Variants in ANXA10 observed in about 807,000 individuals in gnomAD.
ANXA10 encodes the protein annexin 14.
ANXA10 carries 49 observed loss-of-function variants against 53.5 expected under a neutral mutation model. The ratio of observed to expected loss-of-function variants is 0.92; its 90% CI spans 0.73 to 1.16. The LOEUF (loss-of-function observed/expected upper bound fraction) is 1.16. Among genes scored for constraint, ANXA10 ranks in the 50% most tolerant of loss-of-function variants. ANXA10 has a pLI of 0.00. For missense variants in ANXA10, 393 were observed against 394.4 expected (o/e 1.00, Z 0.03); for synonymous variants, 131 against 128.9 (o/e 1.02, Z -0.11).
intron 9 of ANXA10, 74 bp from the exon 10 acceptor site, chr4:168,181,609 T>C: frequency 2.5e-6 from 3 of 1,184,680 alleles, no homozygotes; most frequent in Non-Finnish European, 2.5e-6. Context: ...AAAAGTGTTA[T>C]TGTTTCTCAA....
At chr4:168,158,960 C>T (rs931222287) in intron 3 of ANXA10, among the ~76,000 whole-genome samples, 2 of 152,136 alleles carry the variant, frequency 1.3e-5, no homozygotes, top group Non-Finnish European at 2.9e-5. Flanking sequence ...CTCCCTCCAG[C>T]TCTTGCTCCC....
intron 5 of ANXA10, among the ~76,000 whole-genome samples, chr4:168,164,796 T>C (rs1403740862): frequency 6.6e-6 from 1 of 152,188 alleles, no homozygotes; most frequent in Admixed American, 6.6e-5. Context: ...TTGCGTTATG[T>C]AGTATATGAC....
At chr4:168,178,139 T>A (rs2149480858) in intron 8 of ANXA10, 156 bp downstream of exon 8, 1 of 632,570 alleles carries the variant, frequency 1.6e-6, no homozygotes, top group Non-Finnish European at 2.7e-6. Context: ...AAGATGTGCC[T>A]TATTTAATGA....
chr4:168,129,676 T>C (rs1731128104), intron 2 of ANXA10, among the ~76,000 whole-genome samples: 1 of 152,208 alleles, frequency 6.6e-6, no homozygotes, highest in Non-Finnish European at 1.5e-5. Flanking sequence ...TTTTCTTAGC[T>C]ACTGTGTTTT....
chr4:168,139,246 T>C (rs1343566864), intron 2 of ANXA10, among the ~76,000 whole-genome samples: 1 of 152,148 alleles, frequency 6.6e-6, no homozygotes, highest in Non-Finnish European at 1.5e-5. Context: ...TGGCTTTTAT[T>C]ATTTTGAGGA....
chr4:168,122,942 T>G (rs1386692490), intron 1 of ANXA10, among the ~76,000 whole-genome samples: 3 of 152,196 alleles, frequency 2.0e-5, no homozygotes, highest in African/African-American at 7.2e-5. Flanking sequence ...TGAAGGAATT[T>G]GTGTAATCAA....
intron 6 of ANXA10, among the ~76,000 whole-genome samples, chr4:168,166,326 A>C (rs964267879): frequency 5.9e-5 from 9 of 152,118 alleles, no homozygotes; most frequent in Non-Finnish European, 1.3e-4. Flanking sequence ...TTAAAAATAG[A>C]TTTTATCATT....
At chr4:168,129,189 T>G (rs1037945580) in intron 2 of ANXA10, among the ~76,000 whole-genome samples, 1 of 152,144 alleles carries the variant, frequency 6.6e-6, no homozygotes, top group African/African-American at 2.4e-5. Context: ...AATGCACATC[T>G]GTGTGTTTTA....
chr4:168,177,688 A>G, intron 6 of ANXA10, 52 bp from the exon 7 acceptor site: 1 of 1,565,294 alleles, frequency 6.4e-7, no homozygotes, highest in Non-Finnish European at 8.8e-7. Flanking sequence ...CTAATCCAAT[A>G]TGAGTTGCTG....
intron 1 of ANXA10, among the ~76,000 whole-genome samples, chr4:168,120,702 C>A (rs1455228053): frequency 6.6e-6 from 1 of 151,878 alleles, no homozygotes; most frequent in Non-Finnish European, 1.5e-5. Context: ...GTATTTGAAT[C>A]CATCTAAAAT....
chr4:168,152,936 C>T (rs567839373), intron 3 of ANXA10, among the ~76,000 whole-genome samples: 13 of 152,032 alleles, frequency 8.6e-5, no homozygotes, highest in East Asian at 5.8e-4. Flanking sequence ...CTCACCCTCA[C>T]GGGCTCAGGT....
chr4:168,151,049 G>A (rs1443404878), intron 3 of ANXA10, among the ~76,000 whole-genome samples: 1 of 152,100 alleles, frequency 6.6e-6, no homozygotes, highest in Non-Finnish European at 1.5e-5. Context: ...ATTGCTCTGG[G>A]GCCCCCTTGG....
intron 3 of ANXA10, among the ~76,000 whole-genome samples, chr4:168,155,552 A>C (rs1287983154): frequency 3.1e-5 from 2 of 65,146 alleles, no homozygotes; most frequent in East Asian, 9.9e-4. Context: ...ATTATAAAAT[A>C]TATAATTATA....
chr4:168,128,022 C>A, intron 1 of ANXA10, 62 bp from the exon 2 acceptor site: 2 of 1,461,940 alleles, frequency 1.4e-6, no homozygotes, highest in Non-Finnish European at 1.9e-6. Flanking sequence ...CTGTGCCCGG[C>A]CACAATGTTG....
chr4:168,142,654 C>T (rs557282932), intron 3 of ANXA10, among the ~76,000 whole-genome samples: 1 of 152,346 alleles, frequency 6.6e-6, no homozygotes, highest in Non-Finnish European at 1.5e-5. Context: ...GATTCTTGTT[C>T]ATCCTAGAGC....
rs147950060 is a variant in ANXA10, at chr4:168,148,418, G to A, written c.195+8838G>A. On this transcript the variant is annotated intron_variant, in intron 3 of 11. Transcript: ENST00000359299. ...CTGACCTTGTGATCCACCCGCCTTG[G>A]CCTCCCAAAGTGCTGGGATTACAGG... Among the ~76,000 whole-genome samples the A allele has an allele frequency of 1.6e-4, 24 of 152,248 alleles. No individual in the cohort carries two copies. In the East Asian group the frequency reaches 3.1e-3, roughly 20 times the overall value.
Position 168,139,507 on chromosome 4 carries a change from T to C in ANXA10, c.122T>C (p.Ile41Thr). ...QGFDCDKDML[I>T]NILTQRCNAQ... ...CCAGACTGTGACAAAGACATGCTGA[T>C]CAACATTCTGACTCAGCGCTGCAAT... The change falls in exon 3 of 12, where the codon ATC (isoleucine) becomes ACC (threonine). Residue 41 changes from isoleucine to threonine, a missense_variant. Coordinates refer to ENST00000359299, the MANE Select transcript of ANXA10 (RefSeq NM_007193.5). 1 of 1,612,774 alleles carries C rather than the reference T, an allele frequency of 6.2e-7. No homozygotes were observed.
At chr4:168,106,688 C>T (rs1730724639) in intron 1 of ANXA10, among the ~76,000 whole-genome samples, 1 of 152,010 alleles carries the variant, frequency 6.6e-6, no homozygotes, top group South Asian at 2.1e-4. Context: ...TACTGCCTTA[C>T]TTTAGTGAGA....
At chr4:168,147,837 G>A (rs1184629918) in intron 3 of ANXA10, among the ~76,000 whole-genome samples, 1 of 152,168 alleles carries the variant, frequency 6.6e-6, no homozygotes, top group East Asian at 1.9e-4. Context: ...GGAATAGGAA[G>A]ATCTGTGTCC....
Sources: allele counts gnomAD v4.1 joint callset (sites outside exome capture counted in the v4.1 genomes callset), GRCh38; gene constraint gnomAD v4.1.1; transcripts MANE v1.5; gene names NCBI Gene and HGNC (gene_info 2026-07-23, HGNC 2026-07-21).